ARPC2: variants seen among roughly 807,000 people sequenced by gnomAD.
The protein encoded by ARPC2 is actin-related protein 2/3 complex subunit 2.
In ARPC2, 4 loss-of-function variants were observed where a neutral mutation model predicts 38.6. The observed-to-expected ratio is 0.10, with a 90% CI of 0.05 to 0.24. ARPC2 has a LOEUF of 0.24. Ranked by LOEUF, ARPC2 falls within the 10% of genes least tolerant of loss-of-function variation. The probability of loss-of-function intolerance (pLI) is 1.00; values close to 1 mark genes in which losing one functional copy is unlikely to be tolerated. For synonymous variants in ARPC2, 125 were observed against 140.8 expected (o/e 0.89, Z 0.79); for missense variants, 229 against 387.3 (o/e 0.59, Z 3.43).
At chr2:218,241,564 A>G (rs1689917489) in intron 7 of ARPC2, among the ~76,000 whole-genome samples, 1 of 152,230 alleles carries the variant, frequency 6.6e-6, no homozygotes, top group Non-Finnish European at 1.5e-5. Flanking sequence ...ATATATTTAG[A>G]TTTGGCTGGT....
intron 5 of ARPC2, among the ~76,000 whole-genome samples, chr2:218,237,515 C>G (rs1029466546): frequency 9.3e-5 from 14 of 150,810 alleles, no homozygotes; most frequent in Non-Finnish European, 1.8e-4. Flanking sequence ...ACCTGCCCCC[C>G]ACCACCAATT....
chr2:218,251,541 C>T (rs910186640), intron 10 of ARPC2, among the ~76,000 whole-genome samples: 2 of 152,134 alleles, frequency 1.3e-5, no homozygotes, highest in Admixed American at 1.3e-4. Context: ...CCAGGCTCAA[C>T]CTCCTGGGCT....
At chr2:218,226,363 CTCAT>C (rs1689496797) in intron 3 of ARPC2, among the ~76,000 whole-genome samples, 1 of 151,804 alleles carries the variant, frequency 6.6e-6, no homozygotes, top group African/African-American at 2.4e-5. Flanking sequence ...GGTGCGGTAG[CTCAT>C]GCATGTAATC....
chr2:218,249,302 C>A, intron 8 of ARPC2, 62 bp from the exon 9 acceptor site: 1 of 1,201,198 alleles, frequency 8.3e-7, no homozygotes, highest in Non-Finnish European at 1.2e-6. Flanking sequence ...GGCTGTTGTT[C>A]TTCCCCACCC....
intron 2 of ARPC2, among the ~76,000 whole-genome samples, chr2:218,223,927 A>G (rs1383347093): frequency 2.0e-5 from 3 of 152,178 alleles, no homozygotes; most frequent in Non-Finnish European, 4.4e-5. Context: ...CAATCTTGTG[A>G]TGGTATACTT....
At chr2:218,239,077 C>T (rs936670568) in intron 6 of ARPC2, 2 of 564,872 alleles carry the variant, frequency 3.5e-6, no homozygotes, top group Non-Finnish European at 6.2e-6. Context: ...CAGTGCTTTC[C>T]TTTAAGGCAC....
chr2:218,226,946 G>C, intron 3 of ARPC2: 1 of 454,456 alleles, frequency 2.2e-6, no homozygotes, highest in Non-Finnish European at 4.4e-6. Flanking sequence ...AGATGTTGCT[G>C]CTTTCTGTTC....
chr2:218,245,144 C>A (rs1030621393), intron 7 of ARPC2, among the ~76,000 whole-genome samples: 1 of 152,198 alleles, frequency 6.6e-6, no homozygotes, highest in Non-Finnish European at 1.5e-5. Context: ...TAGTTTATCA[C>A]CTATGTTAGT....
intron 2 of ARPC2, 53 bp downstream of exon 2, chr2:218,217,597 C>T (rs1355640391): frequency 6.5e-7 from 1 of 1,528,348 alleles, no homozygotes; most frequent in Non-Finnish European, 8.9e-7. Context: ...TTGACCCCAG[C>T]TAATCCCCAA....
chr2:218,249,462 A>G lies in ARPC2; in HGVS notation c.775A>G (p.Lys259Glu). Residue 259 changes from lysine (K) to glutamate (E), a missense_variant and splice_region_variant, in exon 9 of 11, where the codon AAG (lysine) becomes GAG (glutamate). Physicochemically the swap from Lys to Glu is moderately conservative, Grantham distance 56. Transcript: ENST00000315717. ...DYLHYHIKCS[K>E]AYIHTRMRAK... ...CCTGCACTACCACATCAAGTGCTCT[A>G]AGGTGAGGGGGGTGCCAGCATCTCA... 1 of 1,599,594 alleles carries G rather than the reference A, an allele frequency of 6.3e-7. No homozygotes were observed. The highest frequency in any genetic ancestry group is 8.5e-7 in the Non-Finnish European group (1 of 1,169,950).
chr2:218,239,126 A>T, intron 6 of ARPC2: 1 of 568,216 alleles, frequency 1.8e-6, no homozygotes, highest in Non-Finnish European at 3.1e-6. Flanking sequence ...AGCCTGGATA[A>T]TCAGCAGGCA....
chr2:218,218,404 C>T (rs1231187613), intron 2 of ARPC2, among the ~76,000 whole-genome samples: 1 of 152,232 alleles, frequency 6.6e-6, no homozygotes, highest in African/African-American at 2.4e-5. Flanking sequence ...GGGCTTAGGG[C>T]ATCTTTCCAA....
In ARPC2 at chr2:218,245,354, A is replaced by G. The variant is rs867435073; in HGVS notation, c.550-66A>G. On this transcript the variant is annotated intron_variant, in intron 7 of 10. Coordinates refer to ENST00000315717, the MANE Select transcript of ARPC2 (RefSeq NM_152862.3). Reference sequence around the variant, plus strand: ...GGTCACACCACATAGAACAAACCCTATAGCTTGAGTTGCCACTCATCTTAC... The same window carrying G: ...GGTCACACCACATAGAACAAACCCTGTAGCTTGAGTTGCCACTCATCTTAC... 1.7e-5 allele frequency: 28 copies of G among 1,605,806 alleles called. No homozygotes were observed. The Middle Eastern group carries it at 1.0e-3, about 57-fold the overall frequency.
In ARPC2 at chr2:218,217,532, A is replaced by G. The variant is rs749152588; in HGVS notation, c.62A>G (p.Asn21Ser). The G allele has an allele frequency of 3.3e-5, 53 of 1,612,384 alleles. No individual in the cohort carries two copies. Among genetic ancestry groups the G allele is most frequent in the Non-Finnish European group, 4.1e-5 (48 of 1,179,254 alleles). Residue 21 changes from asparagine (N) to serine (S), a missense_variant, in exon 2 of 11, where the codon AAC becomes AGC. This residue lies in a region of ARPC2 where 135 missense variants were observed against 214.1 expected (regional missense o/e 0.63). Transcript: ENST00000315717. ...IEETLALKFE[N>S]AAAGNKPEAV... is the part of the protein sequence containing the mutation. The stretch of plus-strand genomic sequence containing the variant: ...GAGACGCTCGCGCTCAAGTTCGAGA[A>G]CGCGGCCGCCGGGTGAGCGCGCGCC...
intron 8 of ARPC2, among the ~76,000 whole-genome samples, chr2:218,246,183 C>T (rs2106158044): frequency 6.6e-6 from 1 of 151,014 alleles, no homozygotes; most frequent in South Asian, 2.1e-4. Context: ...TGCCACTGGA[C>T]TCCAGCCTGG....
intron 1 of ARPC2, 96 bp downstream of exon 1, chr2:218,217,350 C>G (rs1022226875): frequency 2.1e-6 from 2 of 938,822 alleles, no homozygotes; most frequent in African/African-American, 3.2e-5. Flanking sequence ...CCCCTTCTCC[C>G]CTAACCTCCT....
chr2:218,229,538 A>G (rs1390943462), intron 4 of ARPC2, among the ~76,000 whole-genome samples: 2 of 152,262 alleles, frequency 1.3e-5, no homozygotes, highest in African/African-American at 2.4e-5. Flanking sequence ...TCAGTTTTCA[A>G]ATTTCTTAGT....
At chr2:218,228,624 AC>A in intron 3 of ARPC2, 113 bp from the exon 4 acceptor site, 1 of 550,082 alleles carries the variant, frequency 1.8e-6, no homozygotes, top group East Asian at 3.1e-5. Context: ...GTTCCATTTT[AC>A]TTACATGCCT....
intron 7 of ARPC2, 24 bp from the exon 8 acceptor site, chr2:218,245,396 G>A: frequency 6.2e-7 from 1 of 1,613,708 alleles, no homozygotes. Flanking sequence ...TTCTCTTCTG[G>A]TTGCTTTTGC....
Sources: allele counts gnomAD v4.1 joint callset (sites outside exome capture counted in the v4.1 genomes callset), GRCh38; gene constraint gnomAD v4.1.1; regional missense constraint gnomAD v4.1.1; transcripts MANE v1.5; gene names NCBI Gene and HGNC (gene_info 2026-07-23, HGNC 2026-07-21).